The following ERBB4 variants were observed in gnomAD, a reference collection of about 807,000 sequenced individuals.
ERBB4 encodes receptor tyrosine-protein kinase erbB-4.
A neutral mutation model predicts 158.0 loss-of-function variants in ERBB4; 42 were observed. The ratio of observed to expected loss-of-function variants is 0.27; its 90% CI spans 0.21 to 0.34. The LOEUF is 0.34. Ranked by LOEUF, ERBB4 falls within the 10% of genes least tolerant of loss-of-function variation. The pLI, the probability that ERBB4 is intolerant of heterozygous loss-of-function variation, is 1.00. For synonymous variants in ERBB4, 583 were observed against 558.7 expected, an observed-to-expected ratio of 1.04 and a Z score of -0.61; for missense variants, 1,333 against 1,624.1, an observed-to-expected ratio of 0.82 and a Z score of 3.08.
intron 20 of ERBB4, among the ~76,000 whole-genome samples, chr2:211,529,304 T>C (rs2066433298): frequency 6.6e-6 from 1 of 151,266 alleles, no homozygotes; most frequent in Non-Finnish European, 1.5e-5. Context: ...GATTGAACCA[T>C]GAAGAAATCC....
intron 1 of ERBB4, among the ~76,000 whole-genome samples, chr2:212,150,113 G>A (rs2080822058): frequency 6.6e-6 from 1 of 152,134 alleles, no homozygotes; most frequent in Non-Finnish European, 1.5e-5. Context: ...CCATAAACTG[G>A]TGGCTTAGAA....
At chr2:211,575,312 A>G (rs1177273472) in intron 19 of ERBB4, among the ~76,000 whole-genome samples, 1 of 152,158 alleles carries the variant, frequency 6.6e-6, no homozygotes, top group African/African-American at 2.4e-5. Flanking sequence ...TTTGGTATAG[A>G]TCAAATGAGC....
At chr2:212,432,914 C>T (rs1174561342) in intron 1 of ERBB4, among the ~76,000 whole-genome samples, 2 of 151,930 alleles carry the variant, frequency 1.3e-5, no homozygotes, top group Non-Finnish European at 1.5e-5. Context: ...GGAATCATCT[C>T]GAAGTCTGAT....
intron 20 of ERBB4, among the ~76,000 whole-genome samples, chr2:211,477,160 CA>C (rs2064974464): frequency 1.3e-5 from 2 of 152,098 alleles, no homozygotes; most frequent in Admixed American, 1.3e-4. Flanking sequence ...AGACCACTCT[CA>C]AGCAAGGAGG....
intron 20 of ERBB4, among the ~76,000 whole-genome samples, chr2:211,533,262 A>G (rs2125667577): frequency 6.6e-6 from 1 of 151,950 alleles, no homozygotes; most frequent in East Asian, 1.9e-4. Context: ...ATGTTTTACT[A>G]TTTTCCTGTT....
At chr2:211,430,100 C>T (rs1312657658) in intron 21 of ERBB4, among the ~76,000 whole-genome samples, 1 of 151,806 alleles carries the variant, frequency 6.6e-6, no homozygotes, top group African/African-American at 2.4e-5. Flanking sequence ...CCTATCATTG[C>T]AAAATATTTA....
rs773826373 is a variant in ERBB4 at position 211,381,635 on chromosome 2, CT to C, written c.*1979del. 12 of 231,338 alleles carry C rather than the reference CT, an allele frequency of 5.2e-5. No individual in the cohort carries two copies. Among genetic ancestry groups the C allele is most frequent in the Admixed American group, 1.7e-4 (3 of 17,706 alleles). The allele number at this position is 231,338 out of a possible 1,614,324, so 14.3% of individuals were successfully genotyped here. On this transcript the variant is annotated 3_prime_UTR_variant, in exon 28 of 28. Coordinates refer to ENST00000342788, the MANE Select transcript of ERBB4 (RefSeq NM_005235.3). The stretch of plus-strand genomic sequence containing the variant: ...TGAGTGTTCCCCACAAAACATGGTG[CT>C]TTTAGTAGACACAGTTAGATAAAGG...
intron 2 of ERBB4, among the ~76,000 whole-genome samples, chr2:211,959,330 G>A (rs1179584785): frequency 6.6e-6 from 1 of 152,014 alleles, no homozygotes; most frequent in Non-Finnish European, 1.5e-5. Context: ...AGAAAATGAT[G>A]GCTTGCCAAG....
chr2:211,861,619 A>T (rs1418089632), intron 3 of ERBB4, among the ~76,000 whole-genome samples: 2 of 152,106 alleles, frequency 1.3e-5, no homozygotes, highest in African/African-American at 4.8e-5. Flanking sequence ...AATTTTCTTC[A>T]TCTCTCACAG....
At chr2:212,015,043 T>A (rs59704588) in intron 2 of ERBB4, among the ~76,000 whole-genome samples, 6,421 of 7,950 alleles carry the variant, frequency 0.81, 2,525 homozygotes, top group Middle Eastern at 1. Flanking sequence ...AAAAAAAAAA[T>A]ATATATATAT....
intron 1 of ERBB4, among the ~76,000 whole-genome samples, chr2:212,476,404 G>A (rs561455656): frequency 2.8e-4 from 43 of 151,982 alleles, no homozygotes; most frequent in Middle Eastern, 6.8e-3. Flanking sequence ...GTAAACACAC[G>A]GCATAGAAAT....
chr2:211,545,655 G>T (rs891952907), intron 20 of ERBB4, among the ~76,000 whole-genome samples: 1 of 152,102 alleles, frequency 6.6e-6, no homozygotes, highest in Middle Eastern at 3.4e-3. Flanking sequence ...CAATTTCTAG[G>T]AGTATGGCCC....
At position 211,404,023 on chromosome 2, in the gene ERBB4, G is replaced by A. The variant is rs114244156; in HGVS notation, c.3136-16031C>T. ...ACTCAGTTGACAGCAGATATACAAC[G>A]TTAGTATTTACGTAATTATGTATAA... On this transcript the variant is annotated intron_variant, in intron 25 of 27. Coordinates refer to ENST00000342788, the MANE Select transcript of ERBB4 (RefSeq NM_005235.3). 7.5e-3 allele frequency among the ~76,000 whole-genome samples: 1,145 copies of A among 152,096 alleles called. 12 individuals are homozygous for A. The highest frequency in any genetic ancestry group is 0.026 in the African/African-American group (1,087 of 41,498).
chr2:212,435,125 GAGA>G (rs1176468758), intron 1 of ERBB4, among the ~76,000 whole-genome samples: 1 of 151,940 alleles, frequency 6.6e-6, no homozygotes, highest in Non-Finnish European at 1.5e-5. Context: ...GAGTTTAGAA[GAGA>G]AGATCTGAAA....
chr2:212,448,001 T>C (rs1482901885), intron 1 of ERBB4, among the ~76,000 whole-genome samples: 1 of 152,184 alleles, frequency 6.6e-6, no homozygotes, highest in Non-Finnish European at 1.5e-5. Context: ...CAGTATCACA[T>C]AGAATGTCAT....
At chr2:211,888,703 G>A (rs909791820) in intron 3 of ERBB4, among the ~76,000 whole-genome samples, 2 of 152,082 alleles carry the variant, frequency 1.3e-5, no homozygotes, top group African/African-American at 2.4e-5. Flanking sequence ...CACCGTGCGC[G>A]AGCCGAAGCA....
intron 20 of ERBB4, among the ~76,000 whole-genome samples, chr2:211,453,329 A>T (rs1375641882): frequency 1.3e-5 from 2 of 152,194 alleles, no homozygotes; most frequent in Non-Finnish European, 2.9e-5. Context: ...AATAGTAGAT[A>T]TTACTCAGGG....
At chr2:212,403,111 T>C (rs935439587) in intron 1 of ERBB4, among the ~76,000 whole-genome samples, 5 of 152,070 alleles carry the variant, frequency 3.3e-5, no homozygotes, top group Non-Finnish European at 7.4e-5. Context: ...AAACAGAACA[T>C]TGGTGAACTT....
chr2:211,600,451 T>C (rs559393555), intron 19 of ERBB4, among the ~76,000 whole-genome samples: 1 of 151,938 alleles, frequency 6.6e-6, no homozygotes, highest in Non-Finnish European at 1.5e-5. Flanking sequence ...GGGATGCCAA[T>C]AATACAAAAG....
Sources: allele counts gnomAD v4.1 joint callset (sites outside exome capture counted in the v4.1 genomes callset), GRCh38; gene constraint gnomAD v4.1.1; transcripts MANE v1.5; gene names NCBI Gene and HGNC (gene_info 2026-07-23, HGNC 2026-07-21).